Variants in OGG1 observed in about 807,000 individuals in gnomAD.
OGG1 encodes the protein 8-oxoguanine DNA glycosylase.
A neutral mutation model predicts 42.3 loss-of-function variants in OGG1; 35 were observed. The observed-to-expected ratio is 0.83, with a 90% CI of 0.63 to 1.10. The LOEUF is 1.10. Among genes scored for constraint, OGG1 ranks in the 50% least tolerant of loss-of-function variants. The probability of loss-of-function intolerance (pLI) is 0.00; values close to 1 mark genes in which losing one functional copy is unlikely to be tolerated. For missense variants in OGG1, 484 were observed against 446.7 expected, an observed-to-expected ratio of 1.08 and a Z score of -0.75; for synonymous variants, 189 against 179.0, an observed-to-expected ratio of 1.06 and a Z score of -0.44.
At chr3:9,768,999 A>G (rs1402747144), downstream of OGG1, among the ~76,000 whole-genome samples, 1 of 152,010 alleles carries the variant, frequency 6.6e-6, no homozygotes, top group African/African-American at 2.4e-5. Flanking sequence ...GACATGCCAC[A>G]CCAAGCCCCC....
chr3:9,779,591 C>G (rs569564111), intron 2 of OGG1, among the ~76,000 whole-genome samples: 5 of 152,052 alleles, frequency 3.3e-5, no homozygotes, highest in Admixed American at 1.3e-4. Flanking sequence ...ACCAACATGG[C>G]ACATGTATAC....
chr3:9,756,833 G>A lies in OGG1; in HGVS notation c.948+17G>A, dbSNP rs2077589563. On this transcript the variant is annotated intron_variant, in intron 6 of 6. Coordinates refer to ENST00000344629, the MANE Select transcript of OGG1 (RefSeq NM_002542.6). The stretch of plus-strand genomic sequence containing the variant: ...GCCCAAGCGGTGAGTGTACCTAGGT[G>A]TCCTCCCTAGGTTTCCTCTCCTCCA... 5.6e-6 allele frequency: 9 copies of A among 1,613,220 alleles called. No individual in the cohort carries two copies. In the South Asian group the frequency reaches 8.8e-5, roughly 16 times the overall value.
intron 3 of OGG1, among the ~76,000 whole-genome samples, chr3:9,753,680 T>C (rs2077411339): frequency 4.0e-5 from 6 of 151,710 alleles, no homozygotes; most frequent in Admixed American, 3.9e-4. Context: ...AACCTGTTCT[T>C]GAGTCTCAGC....
At chr3:9,765,287 T>C (rs1196250341) in intron 7 of OGG1, among the ~76,000 whole-genome samples, 1 of 151,712 alleles carries the variant, frequency 6.6e-6, no homozygotes. Flanking sequence ...AGATTGGAAG[T>C]GATTCTCTGT....
intron 6 of OGG1, 47 bp downstream of exon 6, chr3:9,756,863 A>C (rs369214201): frequency 2.3e-5 from 37 of 1,612,632 alleles, no homozygotes; most frequent in Middle Eastern, 2.0e-4. Flanking sequence ...CCTCCAGCCC[A>C]GACCCAGTGG....
At chr3:9,789,607 C>T (rs1168366204), downstream of OGG1, 7 of 1,613,984 alleles carry the variant, frequency 4.3e-6, no homozygotes, top group South Asian at 6.6e-5. Flanking sequence ...TCCACTGAAG[C>T]CCAGAACCTG....
At chr3:9,789,539 C>T (rs749937041), downstream of OGG1, 9 of 1,614,062 alleles carry the variant, frequency 5.6e-6, no homozygotes, top group Non-Finnish European at 7.6e-6. Context: ...CTTCTGGGGG[C>T]TTCAGTAACT....
intron 1 of OGG1, 58 bp downstream of exon 1, chr3:9,750,481 C>G (rs1437852959): frequency 6.2e-7 from 1 of 1,607,774 alleles, no homozygotes; most frequent in African/African-American, 1.3e-5. Context: ...CGCCTCAACA[C>G]TGCCTGGCAT....
At chr3:9,763,788 C>T (rs943738464) in intron 7 of OGG1, among the ~76,000 whole-genome samples, 8 of 152,162 alleles carry the variant, frequency 5.3e-5, no homozygotes, top group African/African-American at 1.7e-4. Context: ...GAGTTCGAGA[C>T]CAGCCTGGCC....
At chr3:9,787,032 G>A (rs1188143064) in intron 3 of OGG1, 4 of 1,614,070 alleles carry the variant, frequency 2.5e-6, no homozygotes, top group Non-Finnish European at 3.4e-6. Flanking sequence ...AGGAGGCGCT[G>A]CGTCAGGGCA....
downstream of OGG1, chr3:9,759,474 G>A (rs1416165525): frequency 1.2e-6 from 2 of 1,614,102 alleles, no homozygotes; most frequent in South Asian, 1.1e-5. Flanking sequence ...CCAGAACTAG[G>A]GATATGGACT....
At position 9,751,066 on chromosome 3, in the gene OGG1, A is replaced by G; in HGVS notation, c.259A>G (p.Arg87Gly). 2 of 1,613,978 alleles carry G rather than the reference A, an allele frequency of 1.2e-6. No homozygotes were observed. Among genetic ancestry groups the G allele is most frequent in the Non-Finnish European group, 8.5e-7 (1 of 1,179,940 alleles). ...VYRGDKSQASRPTPDELEAVR... is the reference protein window; with the variant it reads ...VYRGDKSQASGPTPDELEAVR... ...CCGAGGAGACAAGAGCCAGGCTAGCAGGCCCACACCAGACGAGCTGGAGGC... is the reference window on the plus strand; with the variant it reads ...CCGAGGAGACAAGAGCCAGGCTAGCGGGCCCACACCAGACGAGCTGGAGGC... Residue 87 changes from arginine (R) to glycine (G), a missense_variant, in exon 2 of 7, where the codon AGG becomes GGG. By Grantham distance (125) the Arg-to-Gly change is moderately radical (BLOSUM62 -2). Transcript: ENST00000344629.
At chr3:9,768,687 C>T (rs1419811642), downstream of OGG1, among the ~76,000 whole-genome samples, 1 of 152,208 alleles carries the variant, frequency 6.6e-6, no homozygotes, top group Non-Finnish European at 1.5e-5. Context: ...AACACAGCCT[C>T]CCAACCCATC....
At chr3:9,773,282 C>T (rs1450764038) in intron 2 of OGG1, among the ~76,000 whole-genome samples, 3 of 150,740 alleles carry the variant, frequency 2.0e-5, no homozygotes, top group African/African-American at 7.3e-5. Flanking sequence ...ATAATTCCAG[C>T]ACCTTGGGAG....
chr3:9,751,804 C>T lies in OGG1; in HGVS notation c.420C>T (p.Cys140=), dbSNP rs1408183014. 1.2e-6 allele frequency: 2 copies of T among 1,614,088 alleles called. No individual in the cohort carries two copies. Among genetic ancestry groups the T allele is most frequent in the African/African-American group, 2.7e-5 (2 of 74,914 alleles). The change falls in exon 3 of 7, where the codon TGC becomes TGT. Residue 140 remains cysteine (C), a synonymous_variant. Transcript: ENST00000344629. The part of the protein sequence containing the change: ...VRLLRQDPIE[C]LFSFICSSNN... Reference sequence around the variant, plus strand: ...TGCTGCGACAAGACCCCATCGAATGCCTTTTCTCTTTTATCTGTTCCTCCA... The same window carrying T: ...TGCTGCGACAAGACCCCATCGAATGTCTTTTCTCTTTTATCTGTTCCTCCA...
At chr3:9,786,520 G>A (rs1300200295) in intron 3 of OGG1, among the ~76,000 whole-genome samples, 1 of 152,120 alleles carries the variant, frequency 6.6e-6, no homozygotes, top group East Asian at 1.9e-4. Context: ...CTGAAGCTAG[G>A]GTTTGAATCC....
chr3:9,760,728 T>G, downstream of OGG1: 1 of 1,614,070 alleles, frequency 6.2e-7, no homozygotes, highest in South Asian at 1.1e-5. Flanking sequence ...TCAAAGAGTT[T>G]GGCATCATTC....
At chr3:9,766,949 C>G (rs1198661649), downstream of OGG1, among the ~76,000 whole-genome samples, 1 of 152,166 alleles carries the variant, frequency 6.6e-6, no homozygotes, top group African/African-American at 2.4e-5. Flanking sequence ...TTCCAAAACC[C>G]TACACAAACT....
At chr3:9,757,823 C>T (rs771152728), downstream of OGG1, 8 of 1,610,286 alleles carry the variant, frequency 5.0e-6, no homozygotes, top group South Asian at 8.8e-5. The surrounding 1 kb of genome is among the most constrained non-coding windows in gnomAD (Gnocchi z 4.5). Context: ...TGTGCCGCAC[C>T]ACAGCCGTGG....
Sources: allele counts gnomAD v4.1 joint callset (sites outside exome capture counted in the v4.1 genomes callset), GRCh38; gene constraint gnomAD v4.1.1; non-coding constraint Gnocchi (gnomAD v3.1); transcripts MANE v1.5; gene names NCBI Gene and HGNC (gene_info 2026-07-23, HGNC 2026-07-21).